Variants in FER observed in about 807,000 individuals in gnomAD.
FER encodes tyrosine-protein kinase Fer.
FER carries 63 observed loss-of-function variants against 111.0 expected under a neutral mutation model. That is an observed-to-expected ratio of 0.57 (90% CI 0.46 to 0.70). The LOEUF (loss-of-function observed/expected upper bound fraction) is 0.70, where lower values mean the gene tolerates loss of function less well. Ranked by LOEUF, FER falls within the 30% of genes least tolerant of loss-of-function variation. FER has a pLI of 0.00. For synonymous variants in FER, 327 were observed against 313.9 expected, an observed-to-expected ratio of 1.04 and a Z score of -0.44; for missense variants, 914 against 954.0, an observed-to-expected ratio of 0.96 and a Z score of 0.55.
intron 10 of FER, among the ~76,000 whole-genome samples, chr5:108,898,340 T>C (rs1266586888): frequency 6.6e-6 from 1 of 152,192 alleles, no homozygotes; most frequent in Non-Finnish European, 1.5e-5. Context: ...TTCACCAACT[T>C]GAAATTCAAC....
rs931247011 is a variant in FER at position 109,194,395 on chromosome 5, C to G, written c.*6820C>G. The G allele has an allele frequency of 1.6e-4, 24 of 152,158 alleles. No individual in the cohort carries two copies. The highest frequency in any genetic ancestry group is 5.3e-4 in the African/African-American group (22 of 41,420). The allele number at this position is 152,158 out of a possible 1,614,324, so 9.4% of individuals were successfully genotyped here. On this transcript the variant is annotated 3_prime_UTR_variant, in exon 20 of 20. Coordinates refer to ENST00000281092, the MANE Select transcript of FER (RefSeq NM_005246.4). ...CCCAGAGCACATTGCATGAAAATAC[C>G]TGTACTCTGCAGTTCCTCAAAGCAG...
chr5:108,798,311 A>T lies in FER; in HGVS notation c.129A>T (p.Ala43=), dbSNP rs776972232. ...GAATAAAAAGTGATAAAGAATATGC[A>T]TCTACTTTACAGAACCTTTGTAATC... ...ALRIKSDKEY[A]STLQNLCNQV... is the part of the protein sequence containing the mutation. The change falls in exon 3 of 20, where the codon GCA becomes GCT. Residue 43 remains alanine, a synonymous_variant. Coordinates refer to ENST00000281092, the MANE Select transcript of FER (RefSeq NM_005246.4). The T allele has an allele frequency of 1.2e-6, 2 of 1,613,908 alleles. No individual in the cohort carries two copies. The highest frequency in any genetic ancestry group is 1.7e-6 in the Non-Finnish European group (2 of 1,179,878).
chr5:109,131,914 A>G (rs939991007), intron 17 of FER, among the ~76,000 whole-genome samples: 5 of 152,152 alleles, frequency 3.3e-5, no homozygotes, highest in African/African-American at 1.2e-4. Flanking sequence ...CTTTGCTGTC[A>G]GACAGATCCA....
chr5:108,951,647 GT>G (rs1410952841), intron 11 of FER, among the ~76,000 whole-genome samples: 1 of 152,104 alleles, frequency 6.6e-6, no homozygotes, highest in Non-Finnish European at 1.5e-5. Context: ...AAAAAAGTTT[GT>G]GTTGAAGTTT....
At chr5:108,837,910 T>A (rs1414527152) in intron 5 of FER, among the ~76,000 whole-genome samples, 1 of 152,124 alleles carries the variant, frequency 6.6e-6, no homozygotes, top group African/African-American at 2.4e-5. Flanking sequence ...ACAAGCTTAG[T>A]TGTCTTTCTA....
At chr5:109,071,073 A>G (rs1390340192) in intron 16 of FER, among the ~76,000 whole-genome samples, 1 of 152,064 alleles carries the variant, frequency 6.6e-6, no homozygotes, top group Non-Finnish European at 1.5e-5. Context: ...TATTAATGAG[A>G]ATATCAGTAA....
intron 5 of FER, among the ~76,000 whole-genome samples, chr5:108,861,501 G>C (rs762939404): frequency 6.6e-6 from 1 of 152,044 alleles, no homozygotes; most frequent in Non-Finnish European, 1.5e-5. Flanking sequence ...AGGAAAAATT[G>C]GATGTTTTCC....
intron 12 of FER, among the ~76,000 whole-genome samples, chr5:108,958,160 A>T (rs1025100881): frequency 2.6e-5 from 4 of 151,794 alleles, no homozygotes; most frequent in African/African-American, 7.2e-5. Context: ...TTTTATATAA[A>T]TTAAATTTTG....
At chr5:108,850,077 C>T (rs918883351) in intron 5 of FER, among the ~76,000 whole-genome samples, 5 of 151,866 alleles carry the variant, frequency 3.3e-5, no homozygotes, top group Non-Finnish European at 7.4e-5. Context: ...CGCCTGTAGT[C>T]CTAGCCACTT....
intron 11 of FER, among the ~76,000 whole-genome samples, chr5:108,951,236 C>CTCTGT (rs1229627733): frequency 1.2e-4 from 18 of 152,102 alleles, no homozygotes; most frequent in African/African-American, 3.6e-4. Context: ...TGGACTCCAG[C>CTCTGT]CTGGGTGACA....
chr5:109,060,438 T>C (rs1204796278), intron 16 of FER, among the ~76,000 whole-genome samples: 1 of 152,052 alleles, frequency 6.6e-6, no homozygotes, highest in East Asian at 1.9e-4. Context: ...TGTAAAATAA[T>C]ACTTTGGGAG....
chr5:109,098,885 A>T (rs1172721017), intron 16 of FER, among the ~76,000 whole-genome samples: 2 of 151,726 alleles, frequency 1.3e-5, no homozygotes, highest in East Asian at 3.8e-4. Flanking sequence ...TAATCTGTGA[A>T]TAAGAGAAAA....
chr5:108,983,006 C>T (rs1762171629), intron 13 of FER, among the ~76,000 whole-genome samples: 1 of 152,014 alleles, frequency 6.6e-6, no homozygotes, highest in African/African-American at 2.4e-5. Context: ...ACTAATACCA[C>T]TACACAGTAA....
chr5:108,991,209 G>A (rs1018525369), intron 13 of FER, among the ~76,000 whole-genome samples: 1 of 151,782 alleles, frequency 6.6e-6, no homozygotes, highest in Non-Finnish European at 1.5e-5. Flanking sequence ...TTGTATATGT[G>A]TATATACGCA....
chr5:108,771,279 G>T (rs745706173), intron 2 of FER, among the ~76,000 whole-genome samples: 11 of 152,170 alleles, frequency 7.2e-5, no homozygotes, highest in Middle Eastern at 3.4e-3. Flanking sequence ...GTTAGTGTGT[G>T]TGCTGTCTAT....
At position 108,749,279 on chromosome 5, in the gene FER, C is replaced by T. The variant is rs1750160327; in HGVS notation, c.-206+1279C>T. On this transcript the variant is annotated intron_variant, in intron 1 of 19. Transcript: ENST00000281092. Reference sequence around the variant, plus strand: ...CTTGGGCCGGGCTACACACCCAGCCCCACGAGGGCCGCCCCTCCCACCATC... The same window carrying T: ...CTTGGGCCGGGCTACACACCCAGCCTCACGAGGGCCGCCCCTCCCACCATC... 2.0e-5 allele frequency among the ~76,000 whole-genome samples: 3 copies of T among 152,266 alleles called. No homozygotes were observed. The South Asian group carries it at 6.2e-4, about 32-fold the overall frequency.
intron 2 of FER, among the ~76,000 whole-genome samples, chr5:108,777,786 G>T (rs1354071610): frequency 6.6e-6 from 1 of 152,186 alleles, no homozygotes; most frequent in Non-Finnish European, 1.5e-5. Context: ...ATCTTACGTG[G>T]ATGGCAGCAG....
chr5:108,901,317 G>A (rs1410755302), intron 10 of FER, among the ~76,000 whole-genome samples: 1 of 152,058 alleles, frequency 6.6e-6, no homozygotes, highest in African/African-American at 2.4e-5. Context: ...AAGTAAGAGA[G>A]GGGAAGAGGA....
intron 10 of FER, among the ~76,000 whole-genome samples, chr5:108,914,866 A>G (rs892723322): frequency 6.6e-6 from 1 of 152,192 alleles, no homozygotes; most frequent in Non-Finnish European, 1.5e-5. Context: ...ATAATTTAGA[A>G]TAGAGGAGAA....
Sources: gnomAD v4.1 joint callset for allele counts (sites outside exome capture counted in the v4.1 genomes callset) on GRCh38, gnomAD v4.1.1 for gene constraint, MANE v1.5 for transcripts, NCBI Gene and HGNC (gene_info 2026-07-23, HGNC 2026-07-21) for gene names.